Variants in VSIG1 observed in about 807,000 individuals in gnomAD.
The protein encoded by VSIG1 is V-set and immunoglobulin domain-containing protein 1.
VSIG1 carries 11 observed loss-of-function variants against 20.1 expected under a neutral mutation model. The ratio of observed to expected loss-of-function variants is 0.55; its 90% CI spans 0.34 to 0.91. The LOEUF is 0.91. Among genes scored for constraint, VSIG1 ranks in the 40% least tolerant of loss-of-function variants. VSIG1 has a pLI of 0.02. For synonymous variants in VSIG1, 126 were observed against 116.7 expected (o/e 1.08, Z -0.52); for missense variants, 283 against 298.8 (o/e 0.95, Z 0.39).
At position 108,076,100 on chromosome X, in the gene VSIG1, G is replaced by T. The variant is rs1459663302; in HGVS notation, c.712G>T (p.Gly238Trp). 2 of 1,211,068 alleles carry T rather than the reference G, an allele frequency of 1.7e-6. No individual in the cohort carries two copies. ...AGATCCAGAAGTTGGAATCATTGTTGGGGCCTTGATTGGTAGCCTGGTAGG... is the reference window on the plus strand; with the variant it reads ...AGATCCAGAAGTTGGAATCATTGTTTGGGCCTTGATTGGTAGCCTGGTAGG... ...SSHPEVGIIV[G>W]ALIGSLVGAA... The change falls in exon 6 of 7, where the codon GGG (glycine) becomes TGG (tryptophan). Residue 238 changes from glycine to tryptophan, a missense_variant. Coordinates refer to ENST00000217957, the MANE Select transcript of VSIG1 (RefSeq NM_182607.5).
intron 1 of VSIG1, among the ~76,000 whole-genome samples, chrX:108,050,071 G>A (rs1353533730): frequency 1.8e-5 from 2 of 112,445 alleles, no homozygotes; most frequent in Non-Finnish European, 3.7e-5. Flanking sequence ...TAAACAGCCA[G>A]CTTCTGGCAG....
chrX:108,030,382 G>T, the VSIG1 span, among the ~76,000 whole-genome samples: 1 of 111,796 alleles, frequency 8.9e-6, no homozygotes, highest in Non-Finnish European at 1.9e-5. Flanking sequence ...ATTGGAGCAC[G>T]TGAGTGGGAA....
chrX:108,067,528 CT>C (rs2031157387), intron 3 of VSIG1, among the ~76,000 whole-genome samples: 1 of 111,914 alleles, frequency 8.9e-6, no homozygotes, highest in Non-Finnish European at 1.9e-5. Context: ...CTTATTATTC[CT>C]TTTAAGCTCG....
chrX:108,071,892 C>CAA (rs1203449181), intron 3 of VSIG1, among the ~76,000 whole-genome samples: 24 of 36,388 alleles, frequency 6.6e-4, no homozygotes, highest in Admixed American at 1.9e-3. Context: ...TGAACAAATG[C>CAA]AAAAAAAAAA....
intron 1 of VSIG1, among the ~76,000 whole-genome samples, chrX:108,052,017 G>T (rs1296597309): frequency 9.0e-6 from 1 of 111,229 alleles, no homozygotes; most frequent in Non-Finnish European, 1.9e-5. Context: ...TGACCAAAGG[G>T]TACAAAGTTC....
At chrX:108,021,118 T>C in the VSIG1 span, among the ~76,000 whole-genome samples, 1 of 111,892 alleles carries the variant, frequency 8.9e-6, no homozygotes, top group Admixed American at 9.5e-5. Context: ...AATCATACTT[T>C]TTCCAGTGTG....
At chrX:108,047,786 C>A (rs533822356) in intron 1 of VSIG1, among the ~76,000 whole-genome samples, 1,802 of 59,956 alleles carry the variant, frequency 0.03, 33 homozygotes, top group Admixed American at 0.065. Context: ...CTCTCTCTCT[C>A]TCTCTATATA....
chrX:108,032,458 A>C, the VSIG1 span, among the ~76,000 whole-genome samples: 7 of 111,908 alleles, frequency 6.3e-5, no homozygotes, highest in Admixed American at 4.7e-4. Flanking sequence ...CACAGAGCTC[A>C]TATTTTAGTG....
At chrX:108,060,536 A>C (rs2030998241) in intron 2 of VSIG1, among the ~76,000 whole-genome samples, 1 of 111,196 alleles carries the variant, frequency 9.0e-6, no homozygotes, top group Admixed American at 9.5e-5. Flanking sequence ...TCTACTTCTA[A>C]AGAACCGGAG....
intron 5 of VSIG1, chrX:108,073,601 C>A: frequency 6.0e-6 from 2 of 333,712 alleles, no homozygotes; most frequent in South Asian, 1.8e-4. Context: ...GTTTGCTTCA[C>A]AAAATCGCTA....
In VSIG1 at chrX:108,077,541, T is replaced by G; in HGVS notation, c.*160T>G. Reference sequence around the variant, plus strand: ...TGAATCCAGAATAAACACGCCAAGATAACAGCTAAATCAGCAAGGGTTCCT... The same window carrying G: ...TGAATCCAGAATAAACACGCCAAGAGAACAGCTAAATCAGCAAGGGTTCCT... On this transcript the variant is annotated 3_prime_UTR_variant, in exon 7 of 7. Transcript: ENST00000217957. The G allele has an allele frequency of 3.4e-6, 2 of 585,578 alleles. No individual in the cohort carries two copies. Among genetic ancestry groups the G allele is most frequent in the Non-Finnish European group, 5.3e-6 (2 of 378,136 alleles). 48.3% of individuals were successfully genotyped at this position (585,578 alleles called of 1,213,427 possible).
upstream of VSIG1, chrX:108,044,975 C>T: frequency 2.9e-6 from 1 of 345,032 alleles, no homozygotes; most frequent in Non-Finnish European, 5.0e-6. Context: ...TGAAAAAAGT[C>T]TATACGCAAT....
intron 4 of VSIG1, 103 bp from the exon 5 acceptor site, chrX:108,073,147 G>A (rs2031283669): frequency 2.0e-6 from 2 of 976,086 alleles, no homozygotes; most frequent in East Asian, 6.1e-5. Context: ...TCAAGAAAGA[G>A]AGGCCAATAT....
At chrX:108,069,826 A>C (rs1439386843) in intron 3 of VSIG1, among the ~76,000 whole-genome samples, 1 of 111,601 alleles carries the variant, frequency 9.0e-6, no homozygotes, top group East Asian at 2.8e-4. Context: ...TGGAGGTATG[A>C]GAGGAGAGCT....
chrX:108,038,168 G>A, the VSIG1 span, among the ~76,000 whole-genome samples: 1 of 111,147 alleles, frequency 9.0e-6, no homozygotes, highest in African/African-American at 3.3e-5. Flanking sequence ...GTGCCATGGT[G>A]GTTTGCAGCA....
At chrX:108,024,081 C>G in the VSIG1 span, among the ~76,000 whole-genome samples, 2 of 111,691 alleles carry the variant, frequency 1.8e-5, no homozygotes, top group Non-Finnish European at 3.8e-5. Context: ...GGATGCCAAA[C>G]AGACAAATAC....
At chrX:108,024,062 G>C in the VSIG1 span, among the ~76,000 whole-genome samples, 1 of 111,593 alleles carries the variant, frequency 9.0e-6, no homozygotes, top group East Asian at 2.8e-4. Flanking sequence ...GTTTGGCCCT[G>C]TAATTAATGG....
At chrX:108,028,394 AC>A in the VSIG1 span, among the ~76,000 whole-genome samples, 447 of 112,045 alleles carry the variant, frequency 4.0e-3, 3 homozygotes, top group Admixed American at 0.016. Flanking sequence ...CCTTTTATAA[AC>A]AAAGTTTCTG....
chrX:108,025,966 CTA>C, the VSIG1 span, among the ~76,000 whole-genome samples: 5,244 of 112,541 alleles, frequency 0.047, 325 homozygotes, highest in African/African-American at 0.16. Context: ...TGGTTCCTGT[CTA>C]TGTCTTACCT....
Sources: allele counts gnomAD v4.1 joint callset (sites outside exome capture counted in the v4.1 genomes callset), GRCh38; gene constraint gnomAD v4.1.1; transcripts MANE v1.5; gene names NCBI Gene and HGNC (gene_info 2026-07-23, HGNC 2026-07-21).